Variants in RNF144A observed in about 807,000 individuals in gnomAD.
RNF144A encodes the protein ring finger protein 144A, also known as E3 ubiquitin-protein ligase RNF144A.
Under a neutral mutation model 38.7 loss-of-function variants are expected in RNF144A, and 11 were observed. That is an observed-to-expected ratio of 0.28 (90% CI 0.18 to 0.47). The LOEUF is 0.47. RNF144A is among the 20% of genes least tolerant of loss of function. The probability of loss-of-function intolerance (pLI) is 0.99; values close to 1 mark genes in which losing one functional copy is unlikely to be tolerated. For missense variants in RNF144A, 316 were observed against 377.2 expected (o/e 0.84, Z 1.34); for synonymous variants, 149 against 143.9 (o/e 1.04, Z -0.25).
At chr2:6,966,588 G>T (rs1372893880) in intron 2 of RNF144A, among the ~76,000 whole-genome samples, 1 of 152,298 alleles carries the variant, frequency 6.6e-6, no homozygotes, top group South Asian at 2.1e-4. Context: ...ACTATAAAAA[G>T]AATATTTTAA....
intron 5 of RNF144A, 64 bp downstream of exon 5, chr2:7,014,836 G>T: frequency 2.4e-6 from 3 of 1,234,916 alleles, no homozygotes; most frequent in Non-Finnish European, 2.4e-6. Context: ...TAATTTTGTG[G>T]GGAGTTCTTT....
At chr2:7,049,701 A>T (rs909645398) in intron 6 of RNF144A, among the ~76,000 whole-genome samples, 1 of 152,250 alleles carries the variant, frequency 6.6e-6, no homozygotes, top group Non-Finnish European at 1.5e-5. Flanking sequence ...AGGAATCAAC[A>T]TATTAATGAA....
chr2:7,029,657 C>T (rs1290752873), intron 7 of RNF144A, among the ~76,000 whole-genome samples: 1 of 152,176 alleles, frequency 6.6e-6, no homozygotes, highest in South Asian at 2.1e-4. Context: ...TCATCCAATC[C>T]CAGGAATAGC....
intron 2 of RNF144A, among the ~76,000 whole-genome samples, chr2:6,947,419 A>T (rs895726249): frequency 6.6e-6 from 1 of 152,196 alleles, no homozygotes. Flanking sequence ...GGAATCCTAT[A>T]TTACATTACA....
intron 2 of RNF144A, among the ~76,000 whole-genome samples, chr2:6,987,552 A>G (rs1669039546): frequency 6.6e-6 from 1 of 152,224 alleles, no homozygotes; most frequent in African/African-American, 2.4e-5. Context: ...ATTACCCTGT[A>G]TATTTTAGTG....
At chr2:7,018,383 C>T (rs1000467651) in intron 5 of RNF144A, among the ~76,000 whole-genome samples, 1 of 152,274 alleles carries the variant, frequency 6.6e-6, no homozygotes, top group Non-Finnish European at 1.5e-5. Context: ...GCTGGGCTCA[C>T]CCCACAGCAC....
At chr2:7,054,675 G>A (rs371402677) in intron 6 of RNF144A, among the ~76,000 whole-genome samples, 6 of 152,184 alleles carry the variant, frequency 3.9e-5, no homozygotes, top group South Asian at 2.1e-4. Flanking sequence ...TTTGCCTTCC[G>A]TCTTTTCCAC....
At chr2:7,074,674 T>C in the RNF144A span, 1 of 152,194 alleles carries the variant, frequency 6.6e-6, no homozygotes, top group African/African-American at 2.4e-5. Context: ...AAGAAACATC[T>C]GTGTCTATGT....
intron 2 of RNF144A, among the ~76,000 whole-genome samples, chr2:6,990,472 TA>T (rs1558410690): frequency 1.5e-5 from 1 of 68,306 alleles, no homozygotes; most frequent in Non-Finnish European, 3.1e-5. Context: ...ATATAACATA[TA>T]ATATATATAG....
intron 2 of RNF144A, among the ~76,000 whole-genome samples, chr2:6,956,841 A>T (rs1667034453): frequency 6.6e-6 from 1 of 152,204 alleles, no homozygotes; most frequent in African/African-American, 2.4e-5. Context: ...GGCACTTGCA[A>T]ATTATTACTT....
Position 7,042,700 on chromosome 2 carries a change from C to T in RNF144A, c.*2940C>T, listed in dbSNP as rs1425147730. On this transcript the variant is annotated 3_prime_UTR_variant, in exon 9 of 9. Coordinates refer to ENST00000320892, the MANE Select transcript of RNF144A (RefSeq NM_014746.6). Reference sequence around the variant, plus strand: ...TTGCAGCCTCATAGGAGGTCAGCACCTTGCAAAGATGCAGTCACCATAGAT... The same window carrying T: ...TTGCAGCCTCATAGGAGGTCAGCACTTTGCAAAGATGCAGTCACCATAGAT... 15 of 985,378 alleles carry T rather than the reference C, an allele frequency of 1.5e-5. No homozygotes were observed. The highest frequency in any genetic ancestry group is 1.8e-5 in the Non-Finnish European group (15 of 829,980). 61.0% of individuals were successfully genotyped at this position (985,378 alleles called of 1,614,324 possible).
chr2:7,021,262 A>G (rs1404629157), intron 6 of RNF144A, among the ~76,000 whole-genome samples: 1 of 152,106 alleles, frequency 6.6e-6, no homozygotes, highest in Non-Finnish European at 1.5e-5. Flanking sequence ...CAAAATCTAC[A>G]AGGTCACGTG....
intron 2 of RNF144A, among the ~76,000 whole-genome samples, chr2:6,970,626 C>T (rs1167667318): frequency 6.6e-6 from 1 of 152,194 alleles, no homozygotes; most frequent in Non-Finnish European, 1.5e-5. Flanking sequence ...CCATTTTCCT[C>T]ATTTTATACA....
Position 7,019,695 on chromosome 2 carries a change from T to G in RNF144A, c.302-778T>G, listed in dbSNP as rs374804089. 7.9e-5 allele frequency among the ~76,000 whole-genome samples: 12 copies of G among 152,362 alleles called. No individual in the cohort carries two copies. In the East Asian group the frequency reaches 1.9e-3, roughly 24 times the overall value. On this transcript the variant is annotated intron_variant, in intron 5 of 8. Transcript: ENST00000320892. The stretch of plus-strand genomic sequence containing the variant: ...GGGAAGATGAAATGAACAACCAGTC[T>G]TCCTACAAAGGGCAGCCAATAATTT...
chr2:6,957,539 A>G (rs1667086011), intron 2 of RNF144A, among the ~76,000 whole-genome samples: 1 of 152,180 alleles, frequency 6.6e-6, no homozygotes. Flanking sequence ...CAGAGAGCTC[A>G]CTGCATAGAG....
At chr2:7,033,225 A>T (rs995431446) in intron 8 of RNF144A, among the ~76,000 whole-genome samples, 6 of 152,262 alleles carry the variant, frequency 3.9e-5, no homozygotes, top group Admixed American at 3.3e-4. Context: ...AACAGGGCTC[A>T]GCCAAGCCAG....
chr2:7,019,429 G>A (rs750223621), intron 5 of RNF144A, among the ~76,000 whole-genome samples: 3 of 152,214 alleles, frequency 2.0e-5, no homozygotes, highest in Non-Finnish European at 4.4e-5. Flanking sequence ...GCTGCCCGGC[G>A]GCCAGTCACA....
At position 7,041,716 on chromosome 2, in the gene RNF144A, G is replaced by T; in HGVS notation, c.*1956G>T. 1.0e-6 allele frequency: 1 copy of T among 985,448 alleles called. No homozygotes were observed. The highest frequency in any genetic ancestry group is 1.2e-6 in the Non-Finnish European group (1 of 830,000). The allele number at this position is 985,448 out of a possible 1,614,324, so 61.0% of individuals were successfully genotyped here. A position where few individuals can be genotyped will look rare whatever the true frequency, so the allele number is the denominator to read the frequency against. On this transcript the variant is annotated 3_prime_UTR_variant, in exon 9 of 9. Coordinates refer to ENST00000320892, the MANE Select transcript of RNF144A (RefSeq NM_014746.6). ...ACACATGGGAGGCCTGTGGCCCTGT[G>T]TCCAGTGGCCCACAGGACACGCCTC...
At position 7,057,808 on chromosome 2, in the gene RNF144A, CTTGGTATATT is replaced by C. The variant is rs369093517; in HGVS notation, c.735-10405_735-10396del. ...TGAATAGATAAAAATTGAAAAAAAT[CTTGGTATATT>C]TTCTCATAGAAATCTGCCCAGGGAT... On this transcript the variant is annotated intron_variant, in intron 6 of 6. Coordinates refer to the RNF144A transcript ENST00000432850. Among the ~76,000 whole-genome samples, 632 of 152,238 alleles carry C rather than the reference CTTGGTATATT, an allele frequency of 4.2e-3. 8 individuals are homozygous for C. The highest frequency in any genetic ancestry group is 0.015 in the African/African-American group (609 of 41,536).
Sources: gnomAD v4.1 joint callset for allele counts (sites outside exome capture counted in the v4.1 genomes callset) on GRCh38, gnomAD v4.1.1 for gene constraint, MANE v1.5 for transcripts, NCBI Gene and HGNC (gene_info 2026-07-23, HGNC 2026-07-21) for gene names.